Variants in KCNH5 observed in about 807,000 individuals in gnomAD.
The protein encoded by KCNH5 is voltage-gated delayed rectifier potassium channel KCNH5.
In KCNH5, 46 loss-of-function variants were observed where a neutral mutation model predicts 96.1. That is an observed-to-expected ratio of 0.48 (90% confidence interval 0.38 to 0.61). The LOEUF (loss-of-function observed/expected upper bound fraction) is 0.61. Ranked by LOEUF, KCNH5 falls within the 20% of genes least tolerant of loss-of-function variation. The pLI is 0.00. For synonymous variants in KCNH5, 439 were observed against 449.8 expected (o/e 0.98, Z 0.30); for missense variants, 907 against 1,225.8 (o/e 0.74, Z 3.88).
intron 10 of KCNH5, among the ~76,000 whole-genome samples, chr14:62,726,415 T>C (rs527993606): frequency 1.3e-5 from 2 of 151,878 alleles, no homozygotes; most frequent in South Asian, 2.1e-4. Context: ...AAAACTCATA[T>C]CCAGAATCTA....
intron 6 of KCNH5, among the ~76,000 whole-genome samples, chr14:62,952,352 A>C (rs1194997406): frequency 6.6e-6 from 1 of 152,244 alleles, no homozygotes; most frequent in African/African-American, 2.4e-5. Context: ...AGATGTTGGA[A>C]GGCTTGAAAG....
At chr14:62,922,050 C>T (rs1889389886) in intron 7 of KCNH5, among the ~76,000 whole-genome samples, 1 of 152,046 alleles carries the variant, frequency 6.6e-6, no homozygotes, top group African/African-American at 2.4e-5. Flanking sequence ...CTTTTTCTGG[C>T]TTATTATCCT....
chr14:62,822,633 A>C (rs2140019228), intron 8 of KCNH5, among the ~76,000 whole-genome samples: 1 of 152,074 alleles, frequency 6.6e-6, no homozygotes, highest in African/African-American at 2.4e-5. Context: ...CACATTTTCA[A>C]AAATGTATCA....
intron 5 of KCNH5, among the ~76,000 whole-genome samples, chr14:62,982,315 G>A (rs890804727): frequency 1.3e-5 from 2 of 151,742 alleles, no homozygotes; most frequent in Non-Finnish European, 2.9e-5. Flanking sequence ...GCGACAGAGC[G>A]AGACTCCGTC....
Position 62,706,886 on chromosome 14 carries a change from G to T in KCNH5, c.*622C>A, listed in dbSNP as rs1395510169. The T allele has an allele frequency of 5.9e-5, 9 of 152,102 alleles. No individual in the cohort carries two copies. Among genetic ancestry groups the T allele is most frequent in the Non-Finnish European group, 1.0e-4 (7 of 68,010 alleles). The allele number at this position is 152,102 out of a possible 1,614,324, so 9.4% of individuals were successfully genotyped here. On this transcript the variant is annotated 3_prime_UTR_variant, in exon 11 of 11. Coordinates refer to ENST00000322893, the MANE Select transcript of KCNH5 (RefSeq NM_139318.5). ...ATGTTAAAAAACGAGAGGTATAGTT[G>T]ATCAAAAATGTAATTCATGCACAAA...
intron 8 of KCNH5, among the ~76,000 whole-genome samples, chr14:62,820,351 C>CT (rs34357540): frequency 0.4 from 58,360 of 144,872 alleles, 12,351 homozygotes; most frequent in East Asian, 0.58. Context: ...TTGTTATATA[C>CT]TTTTTTTTTT....
intron 7 of KCNH5, among the ~76,000 whole-genome samples, chr14:62,870,023 T>A (rs1595663506): frequency 6.6e-6 from 1 of 152,316 alleles, no homozygotes; most frequent in East Asian, 1.9e-4. Flanking sequence ...ACCAACTGAA[T>A]ACATCTATAG....
At chr14:62,977,199 T>C (rs1890516336) in intron 6 of KCNH5, among the ~76,000 whole-genome samples, 1 of 151,736 alleles carries the variant, frequency 6.6e-6, no homozygotes, top group African/African-American at 2.4e-5. Flanking sequence ...GGTGAAATAC[T>C]AAAAAAATTT....
chr14:62,955,323 C>G (rs1323191636), intron 6 of KCNH5, among the ~76,000 whole-genome samples: 2 of 152,098 alleles, frequency 1.3e-5, no homozygotes, highest in African/African-American at 4.8e-5. Context: ...AGTTAACCAA[C>G]AGAAAGTTAG....
chr14:62,829,774 T>C lies in KCNH5; in HGVS notation c.1569+19879A>G, dbSNP rs569674010. On this transcript the variant is annotated intron_variant, in intron 8 of 10. Coordinates refer to ENST00000322893, the MANE Select transcript of KCNH5 (RefSeq NM_139318.5). Reference sequence around the variant, plus strand: ...CATTGTCTTGGCTATTAACATTCGGTTTCTCTTTACTTATGCAAATGTATG... The same window carrying C: ...CATTGTCTTGGCTATTAACATTCGGCTTCTCTTTACTTATGCAAATGTATG... 3.9e-5 allele frequency among the ~76,000 whole-genome samples: 6 copies of C among 152,278 alleles called. No homozygotes were observed. In the South Asian group the frequency reaches 1.2e-3, roughly 32 times the overall value.
At chr14:62,753,884 A>G (rs1885559552) in intron 10 of KCNH5, among the ~76,000 whole-genome samples, 1 of 152,184 alleles carries the variant, frequency 6.6e-6, no homozygotes, top group Non-Finnish European at 1.5e-5. Flanking sequence ...TTAATGAGCA[A>G]TAAGAAATCA....
chr14:62,998,801 T>G (rs907733196), intron 4 of KCNH5, among the ~76,000 whole-genome samples: 2 of 152,218 alleles, frequency 1.3e-5, no homozygotes, highest in Non-Finnish European at 2.9e-5. Context: ...CACTTTGGTC[T>G]GATAACATAC....
intron 10 of KCNH5, among the ~76,000 whole-genome samples, chr14:62,734,265 A>C (rs1455575413): frequency 6.6e-6 from 1 of 151,992 alleles, no homozygotes; most frequent in Non-Finnish European, 1.5e-5. Context: ...TGCCTATTCT[A>C]TCCACTGCTT....
At chr14:62,810,632 A>C (rs1359186088) in intron 8 of KCNH5, among the ~76,000 whole-genome samples, 1 of 152,134 alleles carries the variant, frequency 6.6e-6, no homozygotes, top group Non-Finnish European at 1.5e-5. Context: ...CTACACTCCC[A>C]TCAGTGCCAT....
chr14:62,730,446 C>T (rs1885025165), intron 10 of KCNH5, among the ~76,000 whole-genome samples: 1 of 152,162 alleles, frequency 6.6e-6, no homozygotes, highest in Non-Finnish European at 1.5e-5. Flanking sequence ...TGAAAGAGAA[C>T]AAAATCAATA....
At chr14:62,768,606 AT>A (rs1368080827) in intron 10 of KCNH5, among the ~76,000 whole-genome samples, 2 of 152,194 alleles carry the variant, frequency 1.3e-5, no homozygotes, top group African/African-American at 2.4e-5. Flanking sequence ...TGCAAGAAAA[AT>A]AATTTGTAAA....
chr14:63,006,077 ATAAT>A (rs1482001039), intron 3 of KCNH5, among the ~76,000 whole-genome samples: 2 of 152,234 alleles, frequency 1.3e-5, no homozygotes, highest in African/African-American at 4.8e-5. Flanking sequence ...TCGTTGTCAC[ATAAT>A]TATAGGATCT....
chr14:62,870,525 T>C (rs974949144), intron 7 of KCNH5, among the ~76,000 whole-genome samples: 1 of 152,092 alleles, frequency 6.6e-6, no homozygotes, highest in Non-Finnish European at 1.5e-5. Flanking sequence ...CACATAAAAA[T>C]AGGTAATAAT....
At chr14:62,736,484 G>A (rs1219239221) in intron 10 of KCNH5, among the ~76,000 whole-genome samples, 1 of 151,842 alleles carries the variant, frequency 6.6e-6, no homozygotes, top group Non-Finnish European at 1.5e-5. Flanking sequence ...AACATCTCCA[G>A]ACAGAAACAT....
Sources: gnomAD v4.1 joint callset for allele counts (sites outside exome capture counted in the v4.1 genomes callset) on GRCh38, gnomAD v4.1.1 for gene constraint, MANE v1.5 for transcripts, NCBI Gene and HGNC (gene_info 2026-07-23, HGNC 2026-07-21) for gene names.